The following MACROD2 variants were observed in gnomAD, a reference collection of about 807,000 sequenced individuals.
MACROD2 encodes the protein mono-ADP ribosylhydrolase 2.
MACROD2 carries 36 observed loss-of-function variants against 70.4 expected under a neutral mutation model. The observed-to-expected ratio is 0.51, with a 90% CI of 0.39 to 0.68. MACROD2 has a LOEUF of 0.68. MACROD2 is among the 30% of genes least tolerant of loss of function. The pLI is 0.00. For synonymous variants in MACROD2, 172 were observed against 178.8 expected, an observed-to-expected ratio of 0.96 and a Z score of 0.30; for missense variants, 496 against 538.4, an observed-to-expected ratio of 0.92 and a Z score of 0.78.
At chr20:14,415,236 T>TAACA (rs1290982806) in intron 3 of MACROD2, among the ~76,000 whole-genome samples, 1 of 152,190 alleles carries the variant, frequency 6.6e-6, no homozygotes, top group African/African-American at 2.4e-5. Flanking sequence ...TACCAGCGTG[T>TAACA]AACACCAAGG....
chr20:14,396,834 A>T (rs1465119613), intron 3 of MACROD2, among the ~76,000 whole-genome samples: 4 of 147,326 alleles, frequency 2.7e-5, no homozygotes, highest in African/African-American at 9.9e-5. Context: ...CTGAGGCAGG[A>T]GAATGGCGTC....
intron 3 of MACROD2, among the ~76,000 whole-genome samples, chr20:14,297,039 T>G (rs571366206): frequency 1.4e-4 from 21 of 151,940 alleles, no homozygotes; most frequent in African/African-American, 4.4e-4. Flanking sequence ...GATCTGTGGT[T>G]AGTGATCTTT....
intron 5 of MACROD2, among the ~76,000 whole-genome samples, chr20:14,710,794 A>G (rs1045630172): frequency 2.0e-5 from 3 of 152,134 alleles, no homozygotes; most frequent in African/African-American, 4.8e-5. Context: ...CAGTATTTTA[A>G]AACCTTTCTG....
At chr20:15,268,937 A>T (rs2146061870) in intron 6 of MACROD2, among the ~76,000 whole-genome samples, 1 of 152,270 alleles carries the variant, frequency 6.6e-6, no homozygotes, top group South Asian at 2.1e-4. Context: ...AAAAGTTGAT[A>T]ACTTTTCTCT....
At chr20:14,266,565 A>C (rs1568528678) in intron 3 of MACROD2, among the ~76,000 whole-genome samples, 1 of 152,284 alleles carries the variant, frequency 6.6e-6, no homozygotes, top group African/African-American at 2.4e-5. Context: ...ATTTATATAG[A>C]TCTACTAGAT....
intron 8 of MACROD2, among the ~76,000 whole-genome samples, chr20:15,724,507 G>A (rs940224419): frequency 6.6e-6 from 1 of 151,820 alleles, no homozygotes; most frequent in African/African-American, 2.4e-5. Context: ...GCATGTGAAT[G>A]TCCAGTTGCT....
chr20:15,109,672 A>C (rs1357149460), intron 5 of MACROD2, among the ~76,000 whole-genome samples: 1 of 152,198 alleles, frequency 6.6e-6, no homozygotes, highest in African/African-American at 2.4e-5. Flanking sequence ...CCTTGAGTAC[A>C]AAATGTTCTG....
chr20:14,061,786 C>A (rs1251895364), intron 2 of MACROD2, among the ~76,000 whole-genome samples: 1 of 152,164 alleles, frequency 6.6e-6, no homozygotes, highest in Non-Finnish European at 1.5e-5. Flanking sequence ...CACACTGAGT[C>A]AGTAAGCTGA....
At chr20:14,301,713 T>C (rs746173553) in intron 3 of MACROD2, among the ~76,000 whole-genome samples, 6 of 152,226 alleles carry the variant, frequency 3.9e-5, no homozygotes, top group Non-Finnish European at 8.8e-5. Context: ...AAATTATTAT[T>C]GCTGTCCCCT....
chr20:15,331,345 G>A (rs2077990074), intron 6 of MACROD2, among the ~76,000 whole-genome samples: 1 of 151,524 alleles, frequency 6.6e-6, no homozygotes, highest in South Asian at 2.1e-4. Flanking sequence ...AACCTGGTGA[G>A]GTCTACTTGG....
intron 8 of MACROD2, among the ~76,000 whole-genome samples, chr20:15,753,476 A>G (rs1053810402): frequency 3.3e-5 from 5 of 152,202 alleles, no homozygotes; most frequent in Admixed American, 2.0e-4. Flanking sequence ...GTAATATTCC[A>G]TGGTGTATAT....
At chr20:15,444,085 C>T (rs182113201) in intron 7 of MACROD2, among the ~76,000 whole-genome samples, 5 of 151,934 alleles carry the variant, frequency 3.3e-5, no homozygotes, top group Admixed American at 3.3e-4. Context: ...CCCTCTCTCT[C>T]AACCTTGGGC....
At chr20:14,984,430 A>G (rs542942235) in intron 5 of MACROD2, among the ~76,000 whole-genome samples, 3 of 152,212 alleles carry the variant, frequency 2.0e-5, no homozygotes, top group Non-Finnish European at 4.4e-5. Context: ...CGGAATAGTC[A>G]GGATGTGCTT....
At chr20:14,275,084 C>G (rs1389417952) in intron 3 of MACROD2, among the ~76,000 whole-genome samples, 2 of 152,196 alleles carry the variant, frequency 1.3e-5, no homozygotes, top group East Asian at 1.9e-4. Context: ...CAATGCCATC[C>G]CCATCAAGCT....
Position 16,026,993 on chromosome 20 carries a change from T to C in MACROD2, c.1154-14208T>C, listed in dbSNP as rs567642384. The stretch of plus-strand genomic sequence containing the variant: ...GGGAGTAATTAACTCTCAGAAGGCA[T>C]AAAAATGTTTAAACCCAACAAAGAT... On this transcript the variant is annotated intron_variant, in intron 15 of 17. Coordinates refer to ENST00000684519, the MANE Select transcript of MACROD2 (RefSeq NM_001351661.2). Among the ~76,000 whole-genome samples the C allele has an allele frequency of 5.3e-5, 8 of 152,290 alleles. No individual in the cohort carries two copies. In the South Asian group the frequency reaches 1.2e-3, roughly 24 times the overall value.
At chr20:14,244,049 C>T (rs897106564) in intron 3 of MACROD2, among the ~76,000 whole-genome samples, 7 of 152,164 alleles carry the variant, frequency 4.6e-5, no homozygotes, top group African/African-American at 1.7e-4. Flanking sequence ...TCATCAAAGA[C>T]ATGTACTGAA....
At chr20:15,197,243 G>A (rs1470095929) in intron 5 of MACROD2, among the ~76,000 whole-genome samples, 5 of 151,962 alleles carry the variant, frequency 3.3e-5, no homozygotes, top group African/African-American at 1.2e-4. Context: ...TCATAAAAAT[G>A]ACATCCCAAA....
chr20:15,825,088 C>G (rs1321090702), intron 8 of MACROD2, among the ~76,000 whole-genome samples: 1 of 152,126 alleles, frequency 6.6e-6, no homozygotes, highest in Non-Finnish European at 1.5e-5. Flanking sequence ...AATGTTCTCA[C>G]CAGGCCAAAG....
At chr20:15,214,978 A>G (rs965923131) in intron 5 of MACROD2, among the ~76,000 whole-genome samples, 21 of 152,172 alleles carry the variant, frequency 1.4e-4, no homozygotes, top group Admixed American at 7.9e-4. Context: ...GTAAAAATAA[A>G]TATCCCTTTT....
Sources: allele counts gnomAD v4.1 joint callset (sites outside exome capture counted in the v4.1 genomes callset), GRCh38; gene constraint gnomAD v4.1.1; transcripts MANE v1.5; gene names NCBI Gene and HGNC (gene_info 2026-07-23, HGNC 2026-07-21).